The following KBTBD12 variants were observed in gnomAD, a reference collection of about 807,000 sequenced individuals.
KBTBD12 encodes the protein kelch repeat and BTB domain-containing protein 12.
In KBTBD12, 53 loss-of-function variants were observed where a neutral mutation model predicts 58.7. The ratio of observed to expected loss-of-function variants is 0.90; its 90% CI spans 0.72 to 1.14. KBTBD12 has a LOEUF of 1.14. KBTBD12 is among the 50% of genes most tolerant of loss of function. The pLI, the probability that KBTBD12 is intolerant of heterozygous loss-of-function variation, is 0.00. For synonymous variants in KBTBD12, 236 were observed against 259.8 expected, an observed-to-expected ratio of 0.91 and a Z score of 0.88; for missense variants, 704 against 751.3, an observed-to-expected ratio of 0.94 and a Z score of 0.74.
intron 4 of KBTBD12, among the ~76,000 whole-genome samples, chr3:127,943,407 A>G (rs1007772583): frequency 2.0e-5 from 3 of 151,984 alleles, no homozygotes; most frequent in African/African-American, 4.8e-5. Flanking sequence ...TTGGATTTGC[A>G]TTTCCCTATT....
intron 4 of KBTBD12, among the ~76,000 whole-genome samples, chr3:127,935,312 C>G (rs1576376275): frequency 6.6e-6 from 1 of 151,950 alleles, no homozygotes; most frequent in Admixed American, 6.6e-5. Flanking sequence ...ATGACAATAT[C>G]AGAGAGTAGA....
At chr3:127,940,247 C>T (rs755969676) in intron 4 of KBTBD12, among the ~76,000 whole-genome samples, 8 of 152,028 alleles carry the variant, frequency 5.3e-5, no homozygotes, top group Non-Finnish European at 1.0e-4. Flanking sequence ...AGCTCAATAA[C>T]GCCATTAACC....
At position 127,928,020 on chromosome 3, in the gene KBTBD12, G is replaced by A; in HGVS notation, c.1327G>A (p.Gly443Ser). Reference protein sequence around the residue: ...TVNNKLYVIGGWTPQMDLPDE... With the variant: ...TVNNKLYVIGSWTPQMDLPDE... ...GAATAATAAACTTTATGTAATTGGA[G>A]GCTGGACCCCTCAGGTTAAGAAATT... Residue 443 changes from glycine to serine, a missense_variant, in exon 3 of 6, where the codon GGC (glycine) becomes AGC (serine). By Grantham distance (56) the Gly-to-Ser change is moderately conservative (BLOSUM62 0). Coordinates refer to ENST00000405109, the MANE Select transcript of KBTBD12 (RefSeq NM_207335.4). 1.9e-6 allele frequency: 3 copies of A among 1,613,420 alleles called. No individual in the cohort carries two copies. Among genetic ancestry groups the A allele is most frequent in the Non-Finnish European group, 2.5e-6 (3 of 1,179,592 alleles).
intron 4 of KBTBD12, among the ~76,000 whole-genome samples, chr3:127,933,973 G>T (rs902025408): frequency 6.6e-6 from 1 of 152,014 alleles, no homozygotes; most frequent in Non-Finnish European, 1.5e-5. Flanking sequence ...AGGATAAAAA[G>T]TTGCCACAAT....
At position 127,927,028 on chromosome 3, in the gene KBTBD12, C is replaced by T. The variant is rs114205705; in HGVS notation, c.1071-736C>T. Among the ~76,000 whole-genome samples the T allele has an allele frequency of 6.9e-3, 1,044 of 152,156 alleles. 10 individuals are homozygous for T. The highest frequency in any genetic ancestry group is 0.024 in the African/African-American group (1,010 of 41,506). On this transcript the variant is annotated intron_variant, in intron 2 of 5. Coordinates refer to ENST00000405109, the MANE Select transcript of KBTBD12 (RefSeq NM_207335.4). ...CATCTACCCAGTGACCATACAATGC[C>T]CCATCACACACATAATCAGTTAATG...
intron 4 of KBTBD12, among the ~76,000 whole-genome samples, chr3:127,956,612 G>A (rs1168003792): frequency 6.6e-6 from 1 of 152,182 alleles, no homozygotes; most frequent in East Asian, 1.9e-4. Context: ...AGCTTCTACA[G>A]TGTGAAAGCC....
chr3:127,929,985 T>C (rs1939663929), intron 3 of KBTBD12, 148 bp from the exon 4 acceptor site: 3 of 642,878 alleles, frequency 4.7e-6, no homozygotes, highest in Non-Finnish European at 7.9e-6. Flanking sequence ...ATAACCCCCG[T>C]CATGGGGTTT....
intron 1 of KBTBD12, among the ~76,000 whole-genome samples, chr3:127,916,370 G>T (rs959903420): frequency 1.3e-5 from 2 of 152,142 alleles, no homozygotes; most frequent in African/African-American, 4.8e-5. Context: ...TTAGCAAGAT[G>T]GTGTTGCTGA....
At chr3:127,918,721 A>G (rs547087535) in intron 1 of KBTBD12, among the ~76,000 whole-genome samples, 9 of 152,036 alleles carry the variant, frequency 5.9e-5, no homozygotes, top group Admixed American at 2.0e-4. Flanking sequence ...CAAAAAAAAA[A>G]AAAAGAAAAA....
In KBTBD12 at chr3:127,930,263, A is replaced by G. The variant is rs1416624537; in HGVS notation, c.1472A>G (p.Asn491Ser). 6.2e-7 allele frequency: 1 copy of G among 1,611,604 alleles called. No homozygotes were observed. The highest frequency in any genetic ancestry group is 8.5e-7 in the Non-Finnish European group (1 of 1,178,770). The stretch of plus-strand genomic sequence containing the variant: ...TACCGATTCAGTACAGCTGTAGTCA[A>G]CAGTGAGATTTATGTTTTGGGTAAG... Reference protein sequence around the residue: ...SKYRFSTAVVNSEIYVLGGIG... With the variant: ...SKYRFSTAVVSSEIYVLGGIG... Residue 491 changes from asparagine (N) to serine (S), a missense_variant, in exon 4 of 6, where the codon AAC becomes AGC. By Grantham distance (46) the Asn-to-Ser change is conservative. Coordinates refer to ENST00000405109, the MANE Select transcript of KBTBD12 (RefSeq NM_207335.4).
chr3:127,950,194 G>A (rs752231211), intron 4 of KBTBD12, among the ~76,000 whole-genome samples: 1 of 152,120 alleles, frequency 6.6e-6, no homozygotes, highest in Non-Finnish European at 1.5e-5. Flanking sequence ...ATGCCTTTGA[G>A]CTACAAAAGA....
At chr3:127,969,627 C>T (rs1035889288) in intron 5 of KBTBD12, among the ~76,000 whole-genome samples, 10 of 152,150 alleles carry the variant, frequency 6.6e-5, no homozygotes, top group African/African-American at 2.2e-4. Context: ...CAAAACATAT[C>T]GATCAGTAGA....
Position 127,966,597 on chromosome 3 carries a change from A to G in KBTBD12, c.1690+3211A>G, listed in dbSNP as rs115724446. On this transcript the variant is annotated intron_variant, in intron 5 of 5. Transcript: ENST00000405109. Reference sequence around the variant, plus strand: ...ACAAAGCAGAACAAAAAGCAATTATATGGAAAATTAGAGAAAGAGAAGTTG... The same window carrying G: ...ACAAAGCAGAACAAAAAGCAATTATGTGGAAAATTAGAGAAAGAGAAGTTG... Among the ~76,000 whole-genome samples, 1,047 of 152,368 alleles carry G rather than the reference A, an allele frequency of 6.9e-3. 10 individuals carry two copies. The highest frequency in any genetic ancestry group is 0.024 in the African/African-American group (978 of 41,600).
chr3:127,954,617 C>G (rs1315362533), intron 4 of KBTBD12, among the ~76,000 whole-genome samples: 1 of 152,140 alleles, frequency 6.6e-6, no homozygotes, highest in Non-Finnish European at 1.5e-5. Flanking sequence ...TGTCAAATTG[C>G]GTTCAAAAGT....
At chr3:127,936,485 T>C (rs534261271) in intron 4 of KBTBD12, among the ~76,000 whole-genome samples, 2 of 152,306 alleles carry the variant, frequency 1.3e-5, no homozygotes, top group Admixed American at 1.3e-4. Context: ...TTAGAAGATT[T>C]GAACAGCACT....
chr3:127,935,116 T>C (rs1038495917), intron 4 of KBTBD12, among the ~76,000 whole-genome samples: 3 of 152,162 alleles, frequency 2.0e-5, no homozygotes, highest in Admixed American at 6.5e-5. Context: ...TATGTTCCAA[T>C]AAAAACCCAT....
intron 5 of KBTBD12, among the ~76,000 whole-genome samples, chr3:127,965,574 A>C (rs1312002721): frequency 6.6e-6 from 1 of 152,224 alleles, no homozygotes; most frequent in South Asian, 2.1e-4. Flanking sequence ...ACAGTTGAGA[A>C]AGTAATCTCT....
intron 4 of KBTBD12, among the ~76,000 whole-genome samples, chr3:127,955,298 T>C (rs939849774): frequency 6.6e-6 from 1 of 152,208 alleles, no homozygotes; most frequent in Non-Finnish European, 1.5e-5. Context: ...ATTTTGTGCC[T>C]CATTGGTTTA....
At chr3:127,951,529 G>C (rs559004563) in intron 4 of KBTBD12, among the ~76,000 whole-genome samples, 1 of 152,324 alleles carries the variant, frequency 6.6e-6, no homozygotes, top group East Asian at 1.9e-4. Context: ...TGATTCCAGA[G>C]TCATGGTCAC....
Sources: allele counts gnomAD v4.1 joint callset (sites outside exome capture counted in the v4.1 genomes callset), GRCh38; gene constraint gnomAD v4.1.1; transcripts MANE v1.5; gene names NCBI Gene and HGNC (gene_info 2026-07-23, HGNC 2026-07-21).